MECOM: variants seen among roughly 807,000 people sequenced by gnomAD.
The protein encoded by MECOM is histone-lysine N-methyltransferase MECOM.
MECOM carries 13 observed loss-of-function variants against 116.3 expected under a neutral mutation model. The ratio of observed to expected loss-of-function variants is 0.11; its 90% CI spans 0.07 to 0.18. The LOEUF is 0.18. Ranked by LOEUF, MECOM falls within the 10% of genes least tolerant of loss-of-function variation. The pLI, the probability that MECOM is intolerant of heterozygous loss-of-function variation, is 1.00. For missense variants in MECOM, 1,299 were observed against 1,509.0 expected (o/e 0.86, Z 2.31); for synonymous variants, 528 against 535.2 (o/e 0.99, Z 0.19).
chr3:169,185,462 G>T (rs1232973401), intron 2 of MECOM, among the ~76,000 whole-genome samples: 2 of 152,154 alleles, frequency 1.3e-5, no homozygotes, highest in African/African-American at 4.8e-5. Flanking sequence ...ACCTTTTCAG[G>T]TGTTGTGGGC....
intron 1 of MECOM, among the ~76,000 whole-genome samples, chr3:169,422,740 G>A (rs6796782): frequency 6.6e-6 from 1 of 151,846 alleles, no homozygotes; most frequent in Non-Finnish European, 1.5e-5. Context: ...TATGCATAAC[G>A]CAGTGAAAAT....
intron 11 of MECOM, 54 bp from the exon 12 acceptor site, chr3:169,101,016 C>A: frequency 7.7e-7 from 1 of 1,299,036 alleles, no homozygotes; most frequent in Non-Finnish European, 1.1e-6. Flanking sequence ...CTATATTTCA[C>A]TCATGCCACA....
intron 2 of MECOM, among the ~76,000 whole-genome samples, chr3:169,187,131 T>C (rs1330577091): frequency 6.6e-6 from 1 of 152,200 alleles, no homozygotes; most frequent in Non-Finnish European, 1.5e-5. Flanking sequence ...ATGCTTTTCA[T>C]AGTCTTCAAT....
chr3:169,189,210 C>G (rs902069126), intron 2 of MECOM, among the ~76,000 whole-genome samples: 1 of 152,044 alleles, frequency 6.6e-6, no homozygotes, highest in South Asian at 2.1e-4. Context: ...AATAATATGA[C>G]ATAAGTCCTT....
chr3:169,555,318 A>G lies in MECOM; in HGVS notation c.37+108018T>C, dbSNP rs566502893. ...TAGAATCTAGTCTTTTCCCTCGGGG[A>G]TTTCACAGTCTGAGAAGGAAAGCAC... On this transcript the variant is annotated intron_variant, in intron 1 of 16. Coordinates refer to ENST00000651503, the MANE Select transcript of MECOM (RefSeq NM_004991.4). Among the ~76,000 whole-genome samples the G allele has an allele frequency of 4.6e-5, 7 of 152,288 alleles. No individual in the cohort carries two copies. In the South Asian group the frequency reaches 1.4e-3, roughly 32 times the overall value.
At chr3:169,391,982 C>T (rs1734275439) in intron 1 of MECOM, among the ~76,000 whole-genome samples, 1 of 152,092 alleles carries the variant, frequency 6.6e-6, no homozygotes, top group South Asian at 2.1e-4. Flanking sequence ...TCGTTTGCAG[C>T]AAGAGAGAAT....
Position 169,462,068 on chromosome 3 carries a change from G to A in MECOM, c.38-80544C>T, listed in dbSNP as rs370937135. ...CTAGCGTGTAACTGGGCTCTCAATC[G>A]CCAAACCCTGGTGGCATTCCAAAGT... On this transcript the variant is annotated intron_variant, in intron 1 of 16. Transcript: ENST00000651503. Among the ~76,000 whole-genome samples the A allele has an allele frequency of 7.4e-4, 112 of 151,980 alleles. 2 individuals are homozygous for A. Among genetic ancestry groups the A allele is most frequent in the Middle Eastern group, 6.8e-3 (2 of 294 alleles).
intron 3 of MECOM, among the ~76,000 whole-genome samples, chr3:169,140,558 C>T (rs974437965): frequency 1.3e-5 from 2 of 151,896 alleles, no homozygotes; most frequent in African/African-American, 4.8e-5. Context: ...GAATGTGCAT[C>T]TCCAAAAACA....
chr3:169,539,548 C>T (rs1034978816), intron 1 of MECOM, among the ~76,000 whole-genome samples: 1 of 152,146 alleles, frequency 6.6e-6, no homozygotes, highest in Admixed American at 6.5e-5. Flanking sequence ...CCACTCATCT[C>T]CACAGTCAAA....
intron 1 of MECOM, among the ~76,000 whole-genome samples, chr3:169,396,537 CAT>C (rs1735047930): frequency 6.6e-6 from 1 of 152,052 alleles, no homozygotes; most frequent in South Asian, 2.1e-4. Flanking sequence ...TTAAATAAAA[CAT>C]ATTAGTAAAA....
intron 2 of MECOM, among the ~76,000 whole-genome samples, chr3:169,248,371 A>T (rs933653013): frequency 3.3e-5 from 5 of 152,224 alleles, no homozygotes; most frequent in Admixed American, 3.3e-4. Context: ...TGCAGATAGT[A>T]GATGCTTAAT....
intron 1 of MECOM, among the ~76,000 whole-genome samples, chr3:169,534,172 T>A (rs988026538): frequency 6.6e-6 from 1 of 152,200 alleles, no homozygotes; most frequent in African/African-American, 2.4e-5. Flanking sequence ...TTAACCAAGG[T>A]TTCTTTTGTT....
chr3:169,566,199 A>G (rs1330180146), intron 1 of MECOM, among the ~76,000 whole-genome samples: 1 of 152,150 alleles, frequency 6.6e-6, no homozygotes, highest in East Asian at 1.9e-4. Context: ...TCCCTCGACA[A>G]GTAGGGATTA....
At chr3:169,149,147 T>C (rs961901990) in intron 2 of MECOM, among the ~76,000 whole-genome samples, 2 of 151,674 alleles carry the variant, frequency 1.3e-5, no homozygotes, top group Non-Finnish European at 2.9e-5. Context: ...TTCTATTTTC[T>C]TCCTGTCAGG....
intron 2 of MECOM, among the ~76,000 whole-genome samples, chr3:169,284,381 C>T (rs945399478): frequency 6.6e-6 from 1 of 152,236 alleles, no homozygotes; most frequent in East Asian, 1.9e-4. Flanking sequence ...GCACTCTAGC[C>T]TAAGAAGTCT....
intron 3 of MECOM, among the ~76,000 whole-genome samples, chr3:169,143,366 C>T (rs914939242): frequency 6.6e-6 from 1 of 151,990 alleles, no homozygotes; most frequent in African/African-American, 2.4e-5. Flanking sequence ...TTGATTAGCT[C>T]AATACCTTTT....
At chr3:169,578,588 C>A (rs1267063725) in intron 1 of MECOM, among the ~76,000 whole-genome samples, 1 of 152,162 alleles carries the variant, frequency 6.6e-6, no homozygotes, top group Non-Finnish European at 1.5e-5. Flanking sequence ...ATCTTGACAT[C>A]TATTCCAAAG....
chr3:169,565,920 C>A, intron 1 of MECOM: 1 of 442,808 alleles, frequency 2.3e-6, no homozygotes, highest in East Asian at 7.5e-5. Context: ...CTTTAAAGAA[C>A]TATGTGAGAC....
chr3:169,183,095 CAT>C (rs1251755417), intron 2 of MECOM, among the ~76,000 whole-genome samples: 1 of 152,162 alleles, frequency 6.6e-6, no homozygotes, highest in Non-Finnish European at 1.5e-5. Context: ...ATGCTAATCT[CAT>C]TATCTCTCAT....
Sources: gnomAD v4.1 joint callset for allele counts (sites outside exome capture counted in the v4.1 genomes callset) on GRCh38, gnomAD v4.1.1 for gene constraint, MANE v1.5 for transcripts, NCBI Gene and HGNC (gene_info 2026-07-23, HGNC 2026-07-21) for gene names.